The following COL17A1 variants were observed in gnomAD, a reference collection of about 807,000 sequenced individuals.
The protein encoded by COL17A1 is collagen type XVII alpha 1 chain.
COL17A1 carries 181 observed loss-of-function variants against 218.4 expected under a neutral mutation model. The ratio of observed to expected loss-of-function variants is 0.83; its 90% CI spans 0.73 to 0.94. The LOEUF (loss-of-function observed/expected upper bound fraction) is 0.94. Among genes scored for constraint, COL17A1 ranks in the 40% least tolerant of loss-of-function variants. The probability of loss-of-function intolerance (pLI) is 0.00; values close to 1 mark genes in which losing one functional copy is unlikely to be tolerated. For synonymous variants in COL17A1, 721 were observed against 731.0 expected, an observed-to-expected ratio of 0.99 and a Z score of 0.22; for missense variants, 1,924 against 1,945.9, an observed-to-expected ratio of 0.99 and a Z score of 0.21.
intron 48 of COL17A1, 143 bp from the exon 49 acceptor site, chr10:104,035,706 A>T: frequency 1.5e-6 from 1 of 681,770 alleles, no homozygotes; most frequent in East Asian, 2.7e-5. Context: ...GGCAGAGAGG[A>T]GGAGCCCAAA....
chr10:104,054,379 A>G (rs1268424402), intron 20 of COL17A1, among the ~76,000 whole-genome samples: 1 of 152,160 alleles, frequency 6.6e-6, no homozygotes, highest in Non-Finnish European at 1.5e-5. Context: ...TTTATCTGAC[A>G]ACTGCAGGTT....
At chr10:104,034,430 G>A in intron 51 of COL17A1, 96 bp from the exon 52 acceptor site, 1 of 1,480,820 alleles carries the variant, frequency 6.8e-7, no homozygotes, top group Non-Finnish European at 9.0e-7. Context: ...CAATGCCCCT[G>A]AGAGACCAGA....
intron 9 of COL17A1, 127 bp downstream of exon 9, chr10:104,070,299 G>A: frequency 6.5e-7 from 1 of 1,539,392 alleles, no homozygotes; most frequent in Non-Finnish European, 8.8e-7. Context: ...TAGCTGGAAT[G>A]AGATTTGGTG....
Position 104,048,081 on chromosome 10 carries a change from GGT to G in COL17A1, c.2249_2250del (p.His750ProfsTer6). The G allele has an allele frequency of 6.2e-7, 1 of 1,614,202 alleles. No homozygotes were observed. The highest frequency in any genetic ancestry group is 8.5e-7 in the Non-Finnish European group (1 of 1,180,042). ...GAMGPAGPDG[H>X]QGPRGEQGLT... ...ATGAGTGACCAACCTCTTGGGCCTT[GGT>G]GTCCGTCTGGGCCAGCAGGACCTGG... On this transcript the variant is annotated frameshift_variant, in exon 30 of 56. Coordinates refer to ENST00000648076, the MANE Select transcript of COL17A1 (RefSeq NM_000494.4). LOFTEE classifies it high-confidence loss of function.
At chr10:104,047,617 T>C (rs2086425333) in intron 31 of COL17A1, 122 bp downstream of exon 31, 2 of 812,594 alleles carry the variant, frequency 2.5e-6, no homozygotes, top group East Asian at 2.6e-5. Context: ...CATGCACATA[T>C]ACACCCCTTC....
chr10:104,049,784 G>T (rs1389023617), intron 28 of COL17A1, among the ~76,000 whole-genome samples: 2 of 152,238 alleles, frequency 1.3e-5, no homozygotes, highest in African/African-American at 4.8e-5. Flanking sequence ...GGATACCGGG[G>T]TGCAAACTTT....
intron 22 of COL17A1, among the ~76,000 whole-genome samples, chr10:104,053,530 T>G (rs2086490844): frequency 6.6e-6 from 1 of 151,988 alleles, no homozygotes; most frequent in Non-Finnish European, 1.5e-5. Flanking sequence ...CTGCTCCCTC[T>G]GCCTGGAATG....
chr10:104,075,351 C>G (rs1404678844), intron 5 of COL17A1, among the ~76,000 whole-genome samples: 1 of 152,098 alleles, frequency 6.6e-6, no homozygotes, highest in African/African-American at 2.4e-5. Context: ...GTGGAGTCAT[C>G]CATCTAATTC....
At chr10:104,052,903 C>G in intron 23 of COL17A1, 128 bp downstream of exon 23, 1 of 1,176,134 alleles carries the variant, frequency 8.5e-7, no homozygotes, top group Non-Finnish European at 1.3e-6. Context: ...GACCCTGACT[C>G]AGGGTGGGTG....
intron 9 of COL17A1, among the ~76,000 whole-genome samples, chr10:104,067,334 TAAAAAA>T (rs58260510): frequency 5.4e-5 from 6 of 110,434 alleles, no homozygotes; most frequent in Admixed American, 3.2e-4. Context: ...GGCTCAGGAA[TAAAAAA>T]AAAAAAAAAA....
intron 9 of COL17A1, 73 bp from the exon 10 acceptor site, chr10:104,064,669 C>A (rs921491703): frequency 7.1e-7 from 1 of 1,416,114 alleles, no homozygotes; most frequent in Admixed American, 1.9e-5. Flanking sequence ...CTAGTCACCT[C>A]ATTTTGCTGG....
intron 8 of COL17A1, 68 bp from the exon 9 acceptor site, chr10:104,070,637 G>T: frequency 6.2e-7 from 1 of 1,612,648 alleles, no homozygotes. Context: ...TGCAACTGGG[G>T]GGAACATTTG....
At chr10:104,047,274 CA>C (rs1321258602) in intron 31 of COL17A1, among the ~76,000 whole-genome samples, 3 of 152,022 alleles carry the variant, frequency 2.0e-5, no homozygotes, top group African/African-American at 7.2e-5. Context: ...GAGACTCTAA[CA>C]ATGGCTTCCT....
intron 52 of COL17A1, 35 bp from the exon 53 acceptor site, chr10:104,033,410 G>C: frequency 4.4e-6 from 7 of 1,605,460 alleles, no homozygotes; most frequent in Non-Finnish European, 5.1e-6. Context: ...CAGGAAGCAG[G>C]GATCTCCCAG....
rs1179323020 is a variant in COL17A1, at chr10:104,060,402, T to A, written c.980-122A>T. The A allele has an allele frequency of 5.1e-6, 7 of 1,379,614 alleles. No individual in the cohort carries two copies. In the East Asian group the frequency reaches 1.5e-4, roughly 30 times the overall value. The allele number at this position is 1,379,614 out of a possible 1,614,324, so 85.5% of individuals were successfully genotyped here. ...GGAGGGAGGTAAATTAGCAGGTGTGTATGAGGGTCTCTTGTTCTTGCTGAC... is the reference window on the plus strand; with the variant it reads ...GGAGGGAGGTAAATTAGCAGGTGTGAATGAGGGTCTCTTGTTCTTGCTGAC... On this transcript the variant is annotated intron_variant, in intron 13 of 55. Transcript: ENST00000648076.
At chr10:104,053,257 C>T in intron 22 of COL17A1, 122 bp from the exon 23 acceptor site, 1 of 1,070,974 alleles carries the variant, frequency 9.3e-7, no homozygotes, top group Non-Finnish European at 1.4e-6. Flanking sequence ...GCTTGCTTCT[C>T]TCCTGGACCC....
intron 48 of COL17A1, 31 bp from the exon 49 acceptor site, chr10:104,035,594 G>C (rs1173175257): frequency 6.4e-7 from 1 of 1,573,194 alleles, no homozygotes; most frequent in Non-Finnish European, 8.7e-7. Flanking sequence ...GATCAGGCAG[G>C]GGGAGGCAGA....
At chr10:104,067,725 G>A (rs1378360814) in intron 9 of COL17A1, among the ~76,000 whole-genome samples, 1 of 152,184 alleles carries the variant, frequency 6.6e-6, no homozygotes, top group Non-Finnish European at 1.5e-5. Flanking sequence ...AAGGTGGACA[G>A]TGTGAGAGAG....
At chr10:104,059,867 C>T in intron 14 of COL17A1, 149 bp from the exon 15 acceptor site, 3 of 1,035,618 alleles carry the variant, frequency 2.9e-6, no homozygotes, top group South Asian at 1.4e-5. Context: ...GGTTCATCTC[C>T]CCTGATCTGT....
Sources: allele counts gnomAD v4.1 joint callset (sites outside exome capture counted in the v4.1 genomes callset), GRCh38; gene constraint gnomAD v4.1.1; transcripts MANE v1.5; gene names NCBI Gene and HGNC (gene_info 2026-07-23, HGNC 2026-07-21).